The following FANCD2 variants were observed in gnomAD, a reference collection of about 807,000 sequenced individuals.
FANCD2 encodes the protein FA complementation group D2.
FANCD2 carries 131 observed loss-of-function variants against 192.3 expected under a neutral mutation model. That is an observed-to-expected ratio of 0.68 (90% CI 0.59 to 0.79). The LOEUF (loss-of-function observed/expected upper bound fraction) is 0.79. FANCD2 is among the 30% of genes least tolerant of loss of function. FANCD2 has a pLI of 0.00. For synonymous variants in FANCD2, 524 were observed against 612.5 expected, an observed-to-expected ratio of 0.86 and a Z score of 2.13; for missense variants, 1,508 against 1,701.6, an observed-to-expected ratio of 0.89 and a Z score of 2.00.
intron 7 of FANCD2, among the ~76,000 whole-genome samples, chr3:10,038,913 A>G (rs2086794544): frequency 6.6e-6 from 1 of 152,042 alleles, no homozygotes; most frequent in Non-Finnish European, 1.5e-5. Flanking sequence ...TACTGCGTTG[A>G]TGTTATTAGT....
intron 9 of FANCD2, 125 bp downstream of exon 9, chr3:10,039,970 G>A: frequency 2.9e-6 from 3 of 1,029,626 alleles, no homozygotes; most frequent in Middle Eastern, 3.1e-4. Context: ...CCCCCTTCAT[G>A]AGTAGGGTAT....
At chr3:10,066,024 T>TC in intron 25 of FANCD2, 45 bp downstream of exon 25, 1 of 1,252,496 alleles carries the variant, frequency 8.0e-7, no homozygotes, top group Non-Finnish European at 1.2e-6. Context: ...GCATAGTTTT[T>TC]CTCAAAACTA....
chr3:10,081,146 C>A lies in FANCD2; in HGVS notation c.3023C>A (p.Ser1008Tyr). ...GGATTCTCACATCTCCAACAGAGAT[C>A]TGCCCAAGAAATTGTTCATTGTGTT... Reference protein sequence around the residue: ...NIGFSHLQQRSAQEIVHCVFQ... With the variant: ...NIGFSHLQQRYAQEIVHCVFQ... The change falls in exon 31 of 44, where the codon TCT becomes TAT. Residue 1008 changes from serine (S) to tyrosine (Y), a missense_variant. This residue lies in a region of FANCD2 where 796 missense variants were observed against 879.4 expected (regional missense o/e 0.91). Transcript: ENST00000675286. 6.2e-7 allele frequency: 1 copy of A among 1,614,094 alleles called. No individual in the cohort carries two copies. Among genetic ancestry groups the A allele is most frequent in the Non-Finnish European group, 8.5e-7 (1 of 1,179,944 alleles).
rs1341779432 is a variant in FANCD2, at chr3:10,087,272, G to A, written c.3466+8G>A. ...AGAACAAAGAAAAAATTGGTGATGG[G>A]CCTAGATCCTTTTTTTTTTTTTTTT... On this transcript the variant is annotated splice_region_variant and intron_variant, in intron 34 of 43. Transcript: ENST00000675286. 6.5e-7 allele frequency: 1 copy of A among 1,546,498 alleles called. No individual in the cohort carries two copies. The highest frequency in any genetic ancestry group is 1.2e-5 in the South Asian group (1 of 84,360).
rs1227538109 is a variant in FANCD2 at position 10,044,654 on chromosome 3, G to C, written c.1134+790G>C. On this transcript the variant is annotated intron_variant, in intron 14 of 43. Transcript: ENST00000675286. ...TGGTTGCCTTTAAAGATTTTTCTTT[G>C]GTTGGAATCTGTTTTGTGGGATTTT... Among the ~76,000 whole-genome samples the C allele has an allele frequency of 1.1e-3, 173 of 152,158 alleles. 3 individuals are homozygous for C. Among genetic ancestry groups the C allele is most frequent in the Non-Finnish European group, 8.8e-5 (6 of 68,004 alleles).
chr3:10,050,350 T>C (rs62245509), intron 17 of FANCD2, among the ~76,000 whole-genome samples: 6,711 of 152,068 alleles, frequency 0.044, 156 homozygotes, highest in Admixed American at 0.055. Context: ...GCGGTCCGGG[T>C]GCGGTGGCTC....
rs1257314222 is a variant in FANCD2, at chr3:10,045,325, C to T, written c.1135-1255C>T. On this transcript the variant is annotated intron_variant, in intron 14 of 43. Coordinates refer to ENST00000675286, the MANE Select transcript of FANCD2 (RefSeq NM_001018115.3). Reference sequence around the variant, plus strand: ...CTGGGACTACAGGCACCTGCCACCACGCCCGGCTAATTTTTTGTATTTTTA... The same window carrying T: ...CTGGGACTACAGGCACCTGCCACCATGCCCGGCTAATTTTTTGTATTTTTA... Among the ~76,000 whole-genome samples, 4 of 151,846 alleles carry T rather than the reference C, an allele frequency of 2.6e-5. No homozygotes were observed. In the East Asian group the frequency reaches 5.8e-4, roughly 22 times the overall value.
intron 14 of FANCD2, 159 bp from the exon 15 acceptor site, chr3:10,046,421 T>G: frequency 3.3e-6 from 4 of 1,225,506 alleles, no homozygotes; most frequent in Non-Finnish European, 4.5e-6. Flanking sequence ...AAAATATTTC[T>G]GAGTTTTGTG....
rs1309884251 is a variant in FANCD2, at chr3:10,043,952, C to T, written c.1134+88C>T. On this transcript the variant is annotated intron_variant, in intron 14 of 43. Coordinates refer to ENST00000675286, the MANE Select transcript of FANCD2 (RefSeq NM_001018115.3). ...TTGCCTTCCCACTGTCTTTCTTTCT[C>T]CCCCCTCCAGTCACTCTTCTCTCTC... The T allele has an allele frequency of 1.3e-5, 14 of 1,116,358 alleles. No individual in the cohort carries two copies. In the African/African-American group the frequency reaches 2.2e-4, roughly 17 times the overall value. The allele number at this position is 1,116,358 out of a possible 1,614,324, so 69.2% of individuals were successfully genotyped here. A position where few individuals can be genotyped will look rare whatever the true frequency, so the allele number is the denominator to read the frequency against.
intron 14 of FANCD2, 143 bp from the exon 15 acceptor site, chr3:10,046,437 T>A (rs1403087219): frequency 3.6e-5 from 49 of 1,370,210 alleles, no homozygotes; most frequent in Non-Finnish European, 4.9e-5. Context: ...TTGTGAAAAG[T>A]GTAGATACTC....
chr3:10,095,753 G>A (rs55914626), intron 41 of FANCD2, among the ~76,000 whole-genome samples: 2 of 152,138 alleles, frequency 1.3e-5, no homozygotes, highest in Non-Finnish European at 1.5e-5. Flanking sequence ...GTATTGTCAC[G>A]TTTTGTCTGA....
At chr3:10,073,923 C>T (rs372604284) in intron 28 of FANCD2, among the ~76,000 whole-genome samples, 43 of 152,042 alleles carry the variant, frequency 2.8e-4, no homozygotes, top group East Asian at 1.3e-3. Flanking sequence ...ATCATTCTGG[C>T]CCCTAAGCTC....
At chr3:10,039,696 G>A in intron 8 of FANCD2, 25 bp from the exon 9 acceptor site, 1 of 1,613,842 alleles carries the variant, frequency 6.2e-7, no homozygotes. Flanking sequence ...ATGTGCTGCA[G>A]TTCTAATAGT....
chr3:10,040,033 C>CTTTTTT (rs570512566), intron 9 of FANCD2, 188 bp downstream of exon 9: 23 of 343,564 alleles, frequency 6.7e-5, no homozygotes, highest in Admixed American at 1.4e-4. Context: ...CACATACTTT[C>CTTTTTT]TTTTTTTTTT....
intron 9 of FANCD2, chr3:10,041,195 G>T: frequency 4.3e-6 from 1 of 232,164 alleles, no homozygotes; most frequent in Non-Finnish European, 8.4e-6. Flanking sequence ...GTAAGACCCT[G>T]TCTCAAAAAA....
chr3:10,079,825 T>C (rs1693735482), intron 30 of FANCD2, among the ~76,000 whole-genome samples: 1 of 152,244 alleles, frequency 6.6e-6, no homozygotes, highest in South Asian at 2.1e-4. Flanking sequence ...ACGGTACATA[T>C]AACAAAATGA....
chr3:10,078,745 C>T (rs1693667776), intron 30 of FANCD2, among the ~76,000 whole-genome samples: 1 of 151,788 alleles, frequency 6.6e-6, no homozygotes, highest in South Asian at 2.1e-4. Context: ...GGGCAGATCA[C>T]TTGAGTTCAG....
At chr3:10,054,369 GTGTATATACATA>G (rs2087316306) in intron 18 of FANCD2, among the ~76,000 whole-genome samples, 2 of 77,838 alleles carry the variant, frequency 2.6e-5, no homozygotes, top group African/African-American at 2.1e-4. Context: ...ATATATATAC[GTGTATATACATA>G]TATATATGTA....
rs1325123043 is a variant in FANCD2, at chr3:10,062,078, C to A, written c.1767-73C>A. 3.5e-6 allele frequency: 4 copies of A among 1,132,330 alleles called. No homozygotes were observed. The African/African-American group carries it at 6.2e-5, about 18-fold the overall frequency. The allele number at this position is 1,132,330 out of a possible 1,614,324, so 70.1% of individuals were successfully genotyped here. A position where few individuals can be genotyped will look rare whatever the true frequency, so the allele number is the denominator to read the frequency against. On this transcript the variant is annotated intron_variant, in intron 19 of 43. Transcript: ENST00000675286. ...GGCACATGTATACATATGTAACAAA[C>A]CTGCACGTTGTGCACATGTACCCTA...
Sources: gnomAD v4.1 joint callset for allele counts (sites outside exome capture counted in the v4.1 genomes callset) on GRCh38, gnomAD v4.1.1 for gene constraint, gnomAD v4.1.1 regional missense constraint, MANE v1.5 for transcripts, NCBI Gene and HGNC (gene_info 2026-07-23, HGNC 2026-07-21) for gene names.